Variants in AGBL2 observed in about 807,000 individuals in gnomAD.
The protein encoded by AGBL2 is cytosolic carboxypeptidase 2.
Under a neutral mutation model 103.0 loss-of-function variants are expected in AGBL2, and 87 were observed. The ratio of observed to expected loss-of-function variants is 0.84; its 90% CI spans 0.71 to 1.01. The LOEUF is 1.01. Among genes scored for constraint, AGBL2 ranks in the 50% least tolerant of loss-of-function variants. The probability of loss-of-function intolerance (pLI) is 0.00; values close to 1 mark genes in which losing one functional copy is unlikely to be tolerated. For synonymous variants in AGBL2, 335 were observed against 356.7 expected, an observed-to-expected ratio of 0.94 and a Z score of 0.69; for missense variants, 904 against 1,023.5, an observed-to-expected ratio of 0.88 and a Z score of 1.59.
At chr11:47,714,775 GA>G in intron 1 of AGBL2, 25 bp from the exon 2 acceptor site, 1 of 1,004,448 alleles carries the variant, frequency 1.0e-6, no homozygotes. Flanking sequence ...GAGGACAAGT[GA>G]AAAAACTGCC....
chr11:47,679,058 CAAAAAAAAAAA>C (rs56307962), intron 13 of AGBL2, among the ~76,000 whole-genome samples: 13 of 28,194 alleles, frequency 4.6e-4, no homozygotes, highest in South Asian at 2.7e-3. Context: ...GACCCTGTCT[CAAAAAAAAAAA>C]AAAAAAAAAA....
intron 13 of AGBL2, among the ~76,000 whole-genome samples, chr11:47,678,114 C>T (rs1043805192): frequency 6.6e-6 from 1 of 151,654 alleles, no homozygotes; most frequent in Non-Finnish European, 1.5e-5. Context: ...CAGGCGCACA[C>T]CACCACGCCC....
chr11:47,687,006 A>G (rs2097426591), intron 10 of AGBL2, among the ~76,000 whole-genome samples: 1 of 143,826 alleles, frequency 7.0e-6, no homozygotes, highest in Non-Finnish European at 1.5e-5. Flanking sequence ...GAGGGATAGC[A>G]TTAGGAGATA....
At chr11:47,708,489 T>C (rs1207509210) in intron 4 of AGBL2, among the ~76,000 whole-genome samples, 2 of 151,830 alleles carry the variant, frequency 1.3e-5, no homozygotes, top group Admixed American at 6.6e-5. Context: ...TTATCAATGG[T>C]ATTTTTTCCA....
At chr11:47,711,922 T>A (rs900928252) in intron 3 of AGBL2, among the ~76,000 whole-genome samples, 7 of 152,116 alleles carry the variant, frequency 4.6e-5, no homozygotes, top group African/African-American at 7.2e-5. Flanking sequence ...ACAAAAAAAA[T>A]TTTTAAATTA....
rs149814587 is a variant in AGBL2 at position 47,678,988 on chromosome 11, G to A, written c.2016+985C>T. Among the ~76,000 whole-genome samples, 845 of 143,810 alleles carry A rather than the reference G, an allele frequency of 5.9e-3. 9 individuals are homozygous for A. The highest frequency in any genetic ancestry group is 0.021 in the African/African-American group (811 of 38,384). The allele number at this position is 143,810 out of a possible 152,430, so 94.3% of individuals were successfully genotyped here. A position where few individuals can be genotyped will look rare whatever the true frequency, so the allele number is the denominator to read the frequency against. On this transcript the variant is annotated intron_variant, in intron 13 of 18. Coordinates refer to ENST00000525123, the MANE Select transcript of AGBL2 (RefSeq NM_024783.4). Reference sequence around the variant, plus strand: ...GCAGGAGAATTGCATGATCCTGGGAGGTGGAGATTGCAGTGAGCCAAGTTC... The same window carrying A: ...GCAGGAGAATTGCATGATCCTGGGAAGTGGAGATTGCAGTGAGCCAAGTTC...
At chr11:47,671,165 G>A (rs915048752) in intron 14 of AGBL2, among the ~76,000 whole-genome samples, 1 of 151,972 alleles carries the variant, frequency 6.6e-6, no homozygotes, top group Non-Finnish European at 1.5e-5. Context: ...CTTTCCTGGG[G>A]TTTAGTTGGC....
intron 14 of AGBL2, among the ~76,000 whole-genome samples, chr11:47,669,547 C>T (rs369218422): frequency 3.9e-5 from 6 of 152,012 alleles, no homozygotes; most frequent in African/African-American, 7.2e-5. Flanking sequence ...GGTGTGGTGG[C>T]GCACGCCTGT....
At position 47,690,635 on chromosome 11, in the gene AGBL2, T is replaced by A. The variant is rs1456003184; in HGVS notation, c.1072A>T (p.Asn358Tyr). Residue 358 changes from asparagine to tyrosine, a missense_variant, in exon 10 of 19, where the codon AAT becomes TAT. Coordinates refer to ENST00000525123, the MANE Select transcript of AGBL2 (RefSeq NM_024783.4). ...TTGTTCTTGTAGTACTTGATTTCAT[T>A]TCCTTCTCTCCTCCAGCCAATATTG... ...TRNIGWRREG[N>Y]EIKYYKNNTD... The A allele has an allele frequency of 1.9e-6, 3 of 1,614,194 alleles. No homozygotes were observed. The South Asian group carries it at 3.3e-5, about 18-fold the overall frequency.
intron 8 of AGBL2, among the ~76,000 whole-genome samples, chr11:47,697,739 A>AG (rs1314128241): frequency 7.1e-6 from 1 of 141,746 alleles, no homozygotes; most frequent in African/African-American, 2.7e-5. Context: ...GTAGACACGG[A>AG]GTTTTTCCGT....
chr11:47,667,201 G>T, intron 16 of AGBL2, 138 bp from the exon 17 acceptor site: 1 of 654,108 alleles, frequency 1.5e-6, no homozygotes. Context: ...GTGGCAGCTT[G>T]GACAAAGATT....
chr11:47,696,010 C>CAAAAAAAAAA, intron 8 of AGBL2, among the ~76,000 whole-genome samples: 209 of 17,128 alleles, frequency 0.012, no homozygotes, highest in East Asian at 0.018. Flanking sequence ...ACTAAAAATA[C>CAAAAAAAAAA]AAAAAAAAAA....
At chr11:47,695,599 C>T (rs777177527) in intron 8 of AGBL2, among the ~76,000 whole-genome samples, 1 of 149,078 alleles carries the variant, frequency 6.7e-6, no homozygotes. Flanking sequence ...GCGGTGAAAC[C>T]CTGTCTCCAC....
chr11:47,692,138 C>T lies in AGBL2; in HGVS notation c.813G>A (p.Arg271=). The change falls in exon 9 of 19, where the codon AGG becomes AGA. Residue 271 remains arginine, a synonymous_variant. Coordinates refer to ENST00000525123, the MANE Select transcript of AGBL2 (RefSeq NM_024783.4). ...CTTTTTGCAGATTCCCACTCTCAAA[C>T]CTTGATTCAAACAGTAGAGTATTAT... ...PEDNTLLFES[R]FESGNLQKAV... 6.2e-7 allele frequency: 1 copy of T among 1,612,842 alleles called. No individual in the cohort carries two copies. The highest frequency in any genetic ancestry group is 8.5e-7 in the Non-Finnish European group (1 of 1,179,182).
intron 10 of AGBL2, among the ~76,000 whole-genome samples, chr11:47,689,704 A>G (rs2097437586): frequency 1.3e-5 from 2 of 152,148 alleles, no homozygotes; most frequent in Admixed American, 1.3e-4. Flanking sequence ...TAATGCACCT[A>G]CCATACAGCT....
At position 47,668,914 on chromosome 11, in the gene AGBL2, C is replaced by T; in HGVS notation, c.2148-7G>A. The stretch of plus-strand genomic sequence containing the variant: ...ACTGTCAGAGCCACTGGTGCTGTTT[C>T]CAAAAGAAAAAAAGAAGAGGAAATA... On this transcript the variant is annotated splice_polypyrimidine_tract_variant and splice_region_variant and intron_variant, in intron 14 of 18. Coordinates refer to ENST00000525123, the MANE Select transcript of AGBL2 (RefSeq NM_024783.4). 6.2e-7 allele frequency: 1 copy of T among 1,607,790 alleles called. No individual in the cohort carries two copies. The highest frequency in any genetic ancestry group is 8.5e-7 in the Non-Finnish European group (1 of 1,176,270).
At position 47,666,669 on chromosome 11, in the gene AGBL2, G is replaced by A. The variant is rs991555824; in HGVS notation, c.2448+287C>T. 9 of 561,136 alleles carry A rather than the reference G, an allele frequency of 1.6e-5. No individual in the cohort carries two copies. In the African/African-American group the frequency reaches 1.7e-4, roughly 11 times the overall value. 34.8% of individuals were successfully genotyped at this position (561,136 alleles called of 1,614,324 possible). ...TATTTTAAAATAACATTTGCTGATT[G>A]AGTAGATGGGTGAGTAGAGGGATGA... On this transcript the variant is annotated intron_variant, in intron 17 of 18. Transcript: ENST00000525123.
At chr11:47,703,524 C>T (rs1332709287) in intron 7 of AGBL2, among the ~76,000 whole-genome samples, 4 of 152,186 alleles carry the variant, frequency 2.6e-5, no homozygotes, top group Non-Finnish European at 5.9e-5. Context: ...AGTGCACTGG[C>T]TTATGCCTGT....
Position 47,685,915 on chromosome 11 carries a change from A to G in AGBL2, c.1766T>C (p.Leu589Ser). ...WLHERVFPLM[L>S]CKNAPDKFSF... Reference sequence around the variant, plus strand: ...TACCTTATCTGGTGCATTTTTGCATAACATTAAAGGAAAGACTCGTTCATG... The same window carrying G: ...TACCTTATCTGGTGCATTTTTGCATGACATTAAAGGAAAGACTCGTTCATG... The change falls in exon 11 of 19, where the codon TTA (leucine) becomes TCA (serine). Residue 589 changes from leucine (L) to serine (S), a missense_variant. By Grantham distance (145) the Leu-to-Ser change is moderately radical (BLOSUM62 -2). Transcript: ENST00000525123. 6.2e-7 allele frequency: 1 copy of G among 1,613,850 alleles called. No individual in the cohort carries two copies. Among genetic ancestry groups the G allele is most frequent in the Non-Finnish European group, 8.5e-7 (1 of 1,179,914 alleles).
Sources: gnomAD v4.1 joint callset for allele counts (sites outside exome capture counted in the v4.1 genomes callset) on GRCh38, gnomAD v4.1.1 for gene constraint, MANE v1.5 for transcripts, NCBI Gene and HGNC (gene_info 2026-07-23, HGNC 2026-07-21) for gene names.